The following FNDC3B variants were observed in gnomAD, a reference collection of about 807,000 sequenced individuals.
FNDC3B encodes the protein fibronectin type III domain containing 3B.
FNDC3B carries 12 observed loss-of-function variants against 151.5 expected under a neutral mutation model. The observed-to-expected ratio is 0.08, with a 90% CI of 0.05 to 0.13. The LOEUF (loss-of-function observed/expected upper bound fraction) is 0.13, where lower values mean the gene tolerates loss of function less well. Among genes scored for constraint, FNDC3B ranks in the 10% least tolerant of loss-of-function variants. FNDC3B has a pLI of 1.00. For synonymous variants in FNDC3B, 528 were observed against 549.0 expected (o/e 0.96, Z 0.54); for missense variants, 1,214 against 1,505.3 (o/e 0.81, Z 3.20).
intron 3 of FNDC3B, among the ~76,000 whole-genome samples, chr3:172,183,709 C>A (rs1020708511): frequency 3.3e-5 from 5 of 152,134 alleles, no homozygotes; most frequent in Non-Finnish European, 5.9e-5. Flanking sequence ...TTATTAAATT[C>A]AACTATATTA....
At chr3:172,286,005 A>G in intron 7 of FNDC3B, 21 bp downstream of exon 7, 1 of 1,572,704 alleles carries the variant, frequency 6.4e-7, no homozygotes, top group East Asian at 2.2e-5. Context: ...TGGATTTCTC[A>G]GCATAAATGA....
chr3:172,129,011 G>A (rs1300964403), intron 2 of FNDC3B, among the ~76,000 whole-genome samples: 7 of 152,048 alleles, frequency 4.6e-5, no homozygotes, highest in Non-Finnish European at 1.0e-4. Context: ...TCTGTTGTCC[G>A]GGCTGGAGTG....
chr3:172,336,985 A>G (rs1319279763), intron 15 of FNDC3B, among the ~76,000 whole-genome samples: 1 of 152,156 alleles, frequency 6.6e-6, no homozygotes, highest in Non-Finnish European at 1.5e-5. Flanking sequence ...AAATATGAAC[A>G]TACAGTCTTA....
intron 3 of FNDC3B, among the ~76,000 whole-genome samples, chr3:172,203,690 AG>A (rs1384927484): frequency 6.6e-6 from 1 of 152,198 alleles, no homozygotes; most frequent in Non-Finnish European, 1.5e-5. Flanking sequence ...AAAGCACCTA[AG>A]GGGAGAGACA....
At chr3:172,341,362 A>T (rs761303988) in intron 17 of FNDC3B, 131 bp downstream of exon 17, 1 of 736,012 alleles carries the variant, frequency 1.4e-6, no homozygotes, top group East Asian at 2.5e-5. Flanking sequence ...ATGTCAGGAA[A>T]TGAAAAATAG....
chr3:172,062,973 A>G (rs4894796), intron 1 of FNDC3B, among the ~76,000 whole-genome samples: 81,154 of 152,004 alleles, frequency 0.53, 22,027 homozygotes, highest in Admixed American at 0.59. Context: ...GAAGGAAGTG[A>G]AATTGGTGTA....
intron 6 of FNDC3B, among the ~76,000 whole-genome samples, chr3:172,279,309 T>C (rs1729585775): frequency 6.6e-6 from 1 of 152,170 alleles, no homozygotes; most frequent in South Asian, 2.1e-4. Context: ...TGTTGTCCCA[T>C]TGACATTCTC....
At chr3:172,333,488 A>ATTTTTTTT (rs748224819) in intron 14 of FNDC3B, among the ~76,000 whole-genome samples, 9 of 102,834 alleles carry the variant, frequency 8.8e-5, no homozygotes, top group African/African-American at 2.9e-4. Flanking sequence ...TGCCCGGCTA[A>ATTTTTTTT]TTTTTTTTTT....
intron 3 of FNDC3B, among the ~76,000 whole-genome samples, chr3:172,194,004 A>G (rs1239233134): frequency 2.0e-5 from 3 of 151,980 alleles, no homozygotes; most frequent in African/African-American, 2.4e-5. Flanking sequence ...GCGGATCACA[A>G]GGTCAGGAGA....
chr3:172,176,271 C>T (rs1723587633), intron 3 of FNDC3B, among the ~76,000 whole-genome samples: 1 of 152,074 alleles, frequency 6.6e-6, no homozygotes, highest in African/African-American at 2.4e-5. Flanking sequence ...AGATTACAAC[C>T]AGCAAATTTT....
intron 14 of FNDC3B, among the ~76,000 whole-genome samples, chr3:172,334,661 C>T (rs1410012083): frequency 4.6e-5 from 7 of 152,138 alleles, no homozygotes; most frequent in South Asian, 2.1e-4. Flanking sequence ...AGGCTGGTCT[C>T]GAACTCTTGA....
At chr3:172,231,748 C>T (rs939164432) in intron 4 of FNDC3B, among the ~76,000 whole-genome samples, 37 of 146,008 alleles carry the variant, frequency 2.5e-4, no homozygotes, top group South Asian at 4.4e-4. Flanking sequence ...TCTCACAGTC[C>T]GTGGCAGAGC....
At chr3:172,382,547 C>G (rs1735515343) in intron 25 of FNDC3B, among the ~76,000 whole-genome samples, 1 of 152,186 alleles carries the variant, frequency 6.6e-6, no homozygotes, top group Non-Finnish European at 1.5e-5. Flanking sequence ...TTACCCATGC[C>G]TATGTTCCGA....
chr3:172,107,468 G>T (rs1477709840), intron 1 of FNDC3B, among the ~76,000 whole-genome samples: 1 of 152,130 alleles, frequency 6.6e-6, no homozygotes, highest in Non-Finnish European at 1.5e-5. Flanking sequence ...TCTCCGTGGT[G>T]TGTTGGGGGA....
At chr3:172,241,629 T>C (rs1379727946) in intron 4 of FNDC3B, among the ~76,000 whole-genome samples, 1 of 151,700 alleles carries the variant, frequency 6.6e-6, no homozygotes, top group African/African-American at 2.4e-5. Flanking sequence ...TCATGAGACT[T>C]ATTCACTATC....
chr3:172,400,869 G>A lies in FNDC3B; in HGVS notation c.*3394G>A, dbSNP rs948117477. 1 of 148,576 alleles carries A rather than the reference G, an allele frequency of 6.7e-6. No homozygotes were observed. 9.2% of individuals were successfully genotyped at this position (148,576 alleles called of 1,614,324 possible). A position where few individuals can be genotyped will look rare whatever the true frequency, so the allele number is the denominator to read the frequency against. ...GCTCCCAGGTTCAAGTGATTCCCCTGCCTCAGCCTCCCAAGTAGCTGGGGA... is the reference window on the plus strand; with the variant it reads ...GCTCCCAGGTTCAAGTGATTCCCCTACCTCAGCCTCCCAAGTAGCTGGGGA... On this transcript the variant is annotated 3_prime_UTR_variant, in exon 26 of 26. Transcript: ENST00000415807.
At chr3:172,227,114 T>C in intron 4 of FNDC3B, 167 bp downstream of exon 4, 1 of 559,442 alleles carries the variant, frequency 1.8e-6, no homozygotes. Context: ...TCTTGCCACT[T>C]GACGTACCAG....
At chr3:172,251,821 T>C (rs764502418) in intron 6 of FNDC3B, among the ~76,000 whole-genome samples, 2 of 152,174 alleles carry the variant, frequency 1.3e-5, no homozygotes, top group Non-Finnish European at 2.9e-5. Flanking sequence ...CATGTTAGCC[T>C]ACTTCTGTTG....
At chr3:172,170,426 A>G (rs1211348173) in intron 3 of FNDC3B, among the ~76,000 whole-genome samples, 1 of 152,266 alleles carries the variant, frequency 6.6e-6, no homozygotes, top group Non-Finnish European at 1.5e-5. Flanking sequence ...CAGGAAGATG[A>G]GCAAGAATGA....
Sources: gnomAD v4.1 joint callset for allele counts (sites outside exome capture counted in the v4.1 genomes callset) on GRCh38, gnomAD v4.1.1 for gene constraint, MANE v1.5 for transcripts, NCBI Gene and HGNC (gene_info 2026-07-23, HGNC 2026-07-21) for gene names.